Variants in NLGN4X observed in about 807,000 individuals in gnomAD.
NLGN4X encodes the protein neuroligin-4, X-linked.
NLGN4X carries 3 observed loss-of-function variants against 40.3 expected under a neutral mutation model. That is an observed-to-expected ratio of 0.07 (90% CI 0.03 to 0.19). The LOEUF (loss-of-function observed/expected upper bound fraction) is 0.19, where lower values mean the gene tolerates loss of function less well. Ranked by LOEUF, NLGN4X falls within the 10% of genes least tolerant of loss-of-function variation. NLGN4X has a pLI of 1.00. For synonymous variants in NLGN4X, 270 were observed against 306.8 expected, an observed-to-expected ratio of 0.88 and a Z score of 1.25; for missense variants, 382 against 708.3, an observed-to-expected ratio of 0.54 and a Z score of 5.23.
chrX:5,918,346 T>C (rs1052752387), intron 3 of NLGN4X, among the ~76,000 whole-genome samples: 1 of 111,994 alleles, frequency 8.9e-6, no homozygotes, highest in African/African-American at 3.2e-5. Flanking sequence ...TACAACACTA[T>C]ATTAGATGAA....
chrX:6,040,700 T>C (rs1386142923), intron 2 of NLGN4X, among the ~76,000 whole-genome samples: 1 of 112,329 alleles, frequency 8.9e-6, no homozygotes, highest in Non-Finnish European at 1.9e-5. Flanking sequence ...CCAAGTTTTA[T>C]ATCTGCTAGA....
rs192427191 is a variant in NLGN4X at position 5,951,791 on chromosome X, C to T, written c.626-42552G>A. 5.4e-5 allele frequency among the ~76,000 whole-genome samples: 6 copies of T among 111,200 alleles called. No individual in the cohort carries two copies. In the East Asian group the frequency reaches 1.7e-3, roughly 32 times the overall value. ...CCACTCTCCAAATACCTTCCAAAGC[C>T]CCACTTCCAAATACCTACACAGTTG... On this transcript the variant is annotated intron_variant, in intron 3 of 5. Coordinates refer to ENST00000381095, the MANE Select transcript of NLGN4X (RefSeq NM_181332.3).
rs149003627 is a variant in NLGN4X at position 6,029,314 on chromosome X, G to A, written c.591C>T (p.Ile197=). ...CCAGACGGTAGTTAATGGTGATCAC[G>A]ATGACGTTTCCGTAGCTTGCCAAAA... ...GSILASYGNV[I]VITINYRLGI... The change falls in exon 3 of 6, where the codon ATC becomes ATT. Residue 197 remains isoleucine (I), a synonymous_variant. Coordinates refer to ENST00000381095, the MANE Select transcript of NLGN4X (RefSeq NM_181332.3). The A allele has an allele frequency of 1.8e-3, 2,198 of 1,209,418 alleles. 3 individuals are homozygous for A. The highest frequency in any genetic ancestry group is 2.3e-3 in the Non-Finnish European group (2,037 of 895,021).
chrX:6,222,464 A>G (rs1410931180), intron 1 of NLGN4X, among the ~76,000 whole-genome samples: 3 of 112,018 alleles, frequency 2.7e-5, no homozygotes, highest in Admixed American at 1.9e-4. Flanking sequence ...AAAACAACCC[A>G]AACAAAATTC....
chrX:6,027,794 T>G, intron 3 of NLGN4X, among the ~76,000 whole-genome samples: 1 of 108,155 alleles, frequency 9.2e-6, no homozygotes, highest in Non-Finnish European at 1.9e-5. Context: ...CTTTTTATTT[T>G]AATTAATTTA....
chrX:6,156,040 T>TG (rs2040256073), intron 1 of NLGN4X, among the ~76,000 whole-genome samples: 1 of 112,149 alleles, frequency 8.9e-6, no homozygotes, highest in Non-Finnish European at 1.9e-5. Context: ...GCAATCACAT[T>TG]ACTGGGTATA....
At chrX:5,983,816 T>C (rs186139984) in intron 3 of NLGN4X, among the ~76,000 whole-genome samples, 2 of 111,611 alleles carry the variant, frequency 1.8e-5, no homozygotes, top group African/African-American at 6.5e-5. Context: ...CATGGTGGCA[T>C]GTGACTGTAG....
intron 1 of NLGN4X, among the ~76,000 whole-genome samples, chrX:6,199,949 G>A (rs1208132459): frequency 8.9e-6 from 1 of 111,925 alleles, no homozygotes; most frequent in Admixed American, 9.5e-5. Context: ...CCTACAGTGC[G>A]TTGATTTTAC....
chrX:6,075,353 T>A (rs868264727), intron 2 of NLGN4X, among the ~76,000 whole-genome samples: 8 of 111,708 alleles, frequency 7.2e-5, no homozygotes, highest in Admixed American at 5.7e-4. Context: ...GGTTCCCCAG[T>A]TGATGAAGAT....
chrX:5,952,201 T>C (rs891598674), intron 3 of NLGN4X, among the ~76,000 whole-genome samples: 6 of 111,402 alleles, frequency 5.4e-5, no homozygotes, highest in African/African-American at 1.6e-4. Flanking sequence ...GGAGTTGAGA[T>C]GTGATCGGTG....
intron 2 of NLGN4X, among the ~76,000 whole-genome samples, chrX:6,036,601 G>A (rs1420706632): frequency 1.3e-5 from 1 of 75,171 alleles, no homozygotes; most frequent in Non-Finnish European, 2.5e-5. Context: ...AACCCAGCTT[G>A]TGGCTGGCGC....
intron 2 of NLGN4X, among the ~76,000 whole-genome samples, chrX:6,115,097 T>C (rs777776776): frequency 1.8e-5 from 2 of 112,193 alleles, no homozygotes; most frequent in South Asian, 7.4e-4. Context: ...TGCTCTTTTT[T>C]TGAGCAAATG....
chrX:6,173,177 G>A (rs1206855753), intron 1 of NLGN4X, among the ~76,000 whole-genome samples: 2 of 112,456 alleles, frequency 1.8e-5, no homozygotes, highest in African/African-American at 6.5e-5. Context: ...GGGAAGGACC[G>A]TACTTTAGCC....
intron 3 of NLGN4X, among the ~76,000 whole-genome samples, chrX:5,947,738 G>T (rs140614293): frequency 1.8e-5 from 2 of 111,637 alleles, no homozygotes; most frequent in African/African-American, 6.5e-5. Flanking sequence ...TCATTTTCCC[G>T]ACATGGCTGG....
intron 3 of NLGN4X, among the ~76,000 whole-genome samples, chrX:6,014,211 C>T (rs1476116149): frequency 9.1e-6 from 1 of 110,130 alleles, no homozygotes; most frequent in Non-Finnish European, 1.9e-5. Context: ...AAGTGAGGAT[C>T]TTAAGATGAG....
intron 3 of NLGN4X, among the ~76,000 whole-genome samples, chrX:6,005,417 CT>C (rs1283936803): frequency 9.0e-6 from 1 of 111,558 alleles, no homozygotes; most frequent in African/African-American, 3.3e-5. Context: ...GGGGATGTGT[CT>C]CTGAGTGGCA....
At chrX:5,926,924 T>A (rs2033346557) in intron 3 of NLGN4X, among the ~76,000 whole-genome samples, 1 of 91,479 alleles carries the variant, frequency 1.1e-5, no homozygotes, top group African/African-American at 4.1e-5. Flanking sequence ...CTCTAACATA[T>A]CTCTATATCT....
chrX:6,202,476 T>C (rs886394583), intron 1 of NLGN4X, among the ~76,000 whole-genome samples: 1 of 108,707 alleles, frequency 9.2e-6, no homozygotes, highest in Non-Finnish European at 1.9e-5. Flanking sequence ...TAGGTAGGAC[T>C]ACAGGCATAT....
rs773867914 is a variant in NLGN4X at position 6,050,499 on chromosome X, C to T, written c.473-21067G>A. Among the ~76,000 whole-genome samples the T allele has an allele frequency of 2.7e-5, 3 of 111,310 alleles. No homozygotes were observed. The South Asian group carries it at 1.2e-3, about 43-fold the overall frequency. On this transcript the variant is annotated intron_variant, in intron 2 of 5. Transcript: ENST00000381095. ...TCCATCTCTAACATCTTTATATCTA[C>T]CATATATCTACCTGTCTACCCATCT... is the stretch of plus-strand genomic sequence containing the variant.
Sources: gnomAD v4.1 joint callset for allele counts (sites outside exome capture counted in the v4.1 genomes callset) on GRCh38, gnomAD v4.1.1 for gene constraint, MANE v1.5 for transcripts, NCBI Gene and HGNC (gene_info 2026-07-23, HGNC 2026-07-21) for gene names.